ZNF333: variants seen among roughly 807,000 people sequenced by gnomAD.
The protein encoded by ZNF333 is zinc finger protein 333.
A neutral mutation model predicts 76.1 loss-of-function variants in ZNF333; 61 were observed. That is an observed-to-expected ratio of 0.80 (90% CI 0.65 to 0.99). The LOEUF (loss-of-function observed/expected upper bound fraction) is 0.99, where lower values mean the gene tolerates loss of function less well. Ranked by LOEUF, ZNF333 falls within the 50% of genes least tolerant of loss-of-function variation. The pLI, the probability that ZNF333 is intolerant of heterozygous loss-of-function variation, is 0.00. For missense variants in ZNF333, 717 were observed against 822.4 expected (o/e 0.87, Z 1.57); for synonymous variants, 284 against 305.0 (o/e 0.93, Z 0.72).
intron 5 of ZNF333, among the ~76,000 whole-genome samples, chr19:14,702,975 C>T (rs1449047566): frequency 3.3e-5 from 5 of 152,076 alleles, no homozygotes; most frequent in Middle Eastern, 3.4e-3. Flanking sequence ...GAGGCCGAGG[C>T]GGGCGGATCA....
chr19:14,693,206 A>C (rs551767492), intron 1 of ZNF333, among the ~76,000 whole-genome samples: 1 of 152,340 alleles, frequency 6.6e-6, no homozygotes, highest in East Asian at 1.9e-4. Context: ...GTGGAGGAAA[A>C]GTAGAAGATC....
At chr19:14,696,270 C>T (rs940978732) in intron 4 of ZNF333, among the ~76,000 whole-genome samples, 3 of 152,188 alleles carry the variant, frequency 2.0e-5, no homozygotes. Context: ...CTTGTGTAAA[C>T]ATCACCACTA....
chr19:14,719,254 A>G lies in ZNF333; in HGVS notation c.1927A>G (p.Arg643Gly). Reference protein sequence around the residue: ...LTVHKRTHVGRETIRNGSLPL... With the variant: ...LTVHKRTHVGGETIRNGSLPL... ...TGTACACAAAAGAACCCATGTGGGA[A>G]GAGAGACCATTAGGAATGGCAGCCT... Residue 643 changes from arginine (R) to glycine (G), a missense_variant, in exon 12 of 12, where the codon AGA becomes GGA. Transcript: ENST00000292530. The G allele has an allele frequency of 5.0e-6, 8 of 1,614,228 alleles. No individual in the cohort carries two copies. The highest frequency in any genetic ancestry group is 6.8e-6 in the Non-Finnish European group (8 of 1,180,042).
chr19:14,702,623 C>T (rs2041990045), intron 5 of ZNF333, among the ~76,000 whole-genome samples: 1 of 152,230 alleles, frequency 6.6e-6, no homozygotes, highest in South Asian at 2.1e-4. Flanking sequence ...GCCTCTTCTG[C>T]AGACACCTGG....
chr19:14,700,130 G>C (rs916009517), intron 5 of ZNF333: 2 of 152,218 alleles, frequency 1.3e-5, no homozygotes, highest in Admixed American at 1.3e-4. Context: ...TCAGCCTCCC[G>C]AGTACCTGGG....
intron 5 of ZNF333, among the ~76,000 whole-genome samples, chr19:14,703,691 A>G (rs938288318): frequency 1.3e-5 from 2 of 152,200 alleles, no homozygotes; most frequent in African/African-American, 2.4e-5. Flanking sequence ...TCCACAGGGT[A>G]AACCACTCAG....
intron 4 of ZNF333, among the ~76,000 whole-genome samples, chr19:14,698,134 C>G (rs1973357494): frequency 6.6e-6 from 1 of 151,920 alleles, no homozygotes; most frequent in East Asian, 1.9e-4. Flanking sequence ...GCCTGCAGTC[C>G]CGGCACTTTG....
chr19:14,732,030 C>T (rs1401639163), exon 12 of ZNF333: 3 of 152,200 alleles, frequency 2.0e-5, no homozygotes, highest in Non-Finnish European at 4.4e-5. Context: ...TTTCCTTCCT[C>T]CTCATTTTCC....
chr19:14,703,031 C>T (rs993897082), intron 5 of ZNF333, among the ~76,000 whole-genome samples: 8 of 151,232 alleles, frequency 5.3e-5, no homozygotes, highest in Non-Finnish European at 8.8e-5. Flanking sequence ...GGTGAAACCC[C>T]GTCTCTACTA....
chr19:14,698,933 T>TACACAC (rs1476702135), intron 4 of ZNF333, among the ~76,000 whole-genome samples: 1 of 134,910 alleles, frequency 7.4e-6, no homozygotes, highest in African/African-American at 2.8e-5. Context: ...TATATATATA[T>TACACAC]ATACACACAT....
chr19:14,718,905 G>C lies in ZNF333; in HGVS notation c.1578G>C (p.Arg526Ser). 2 of 1,614,006 alleles carry C rather than the reference G, an allele frequency of 1.2e-6. No individual in the cohort carries two copies. Residue 526 changes from arginine to serine, a missense_variant, in exon 12 of 12, where the codon AGG becomes AGC. Arg to Ser is a moderately radical substitution (Grantham distance 110, BLOSUM62 -1). Coordinates refer to ENST00000292530, the MANE Select transcript of ZNF333 (RefSeq NM_032433.4). ...RTSTHLNVHKRIHTGEKLYEC... is the reference protein window; with the variant it reads ...RTSTHLNVHKSIHTGEKLYEC... The stretch of plus-strand genomic sequence containing the variant: ...GCACTCATCTGAACGTGCACAAGAG[G>C]ATACACACAGGGGAGAAACTGTATG...
intron 7 of ZNF333, chr19:14,714,611 A>C (rs2042373066): frequency 1.3e-5 from 2 of 152,244 alleles, no homozygotes; most frequent in African/African-American, 4.8e-5. Context: ...CAGAAAACAC[A>C]TGTGGGGTCA....
intron 11 of ZNF333, among the ~76,000 whole-genome samples, chr19:14,729,238 T>C (rs1236284493): frequency 6.6e-6 from 1 of 152,198 alleles, no homozygotes; most frequent in Non-Finnish European, 1.5e-5. Flanking sequence ...TGTGACCTTA[T>C]TGGCCAGATA....
chr19:14,691,091 T>TCAAAAA (rs1447986398), intron 1 of ZNF333, among the ~76,000 whole-genome samples: 2 of 152,212 alleles, frequency 1.3e-5, no homozygotes, highest in Non-Finnish European at 2.9e-5. Flanking sequence ...AGACTCCATC[T>TCAAAAA]CAAAAACAAA....
chr19:14,724,421 C>T (rs767501362), downstream of ZNF333, among the ~76,000 whole-genome samples: 7 of 152,132 alleles, frequency 4.6e-5, no homozygotes, highest in East Asian at 1.9e-4. Flanking sequence ...ATGGCTCACA[C>T]GAGGATGGGT....
chr19:14,694,490 A>G (rs1452297885), intron 2 of ZNF333, among the ~76,000 whole-genome samples: 1 of 151,422 alleles, frequency 6.6e-6, no homozygotes, highest in Admixed American at 6.6e-5. Flanking sequence ...AAAGAAAAAA[A>G]GAAAAAGACT....
At chr19:14,707,964 T>C in intron 7 of ZNF333, 1 of 401,156 alleles carries the variant, frequency 2.5e-6, no homozygotes, top group Non-Finnish European at 4.4e-6. Context: ...AGTATATTTT[T>C]GGTAAGTCTT....
chr19:14,706,051 G>C (rs987804177), intron 6 of ZNF333: 6 of 456,302 alleles, frequency 1.3e-5, no homozygotes, highest in East Asian at 7.0e-5. Context: ...CCACCACCAA[G>C]TCCTGCTAGC....
intron 7 of ZNF333, chr19:14,708,621 C>T (rs1056119329): frequency 3.9e-5 from 14 of 362,560 alleles, no homozygotes; most frequent in Middle Eastern, 6.1e-4. Flanking sequence ...AGCTGTGGGC[C>T]GTCCTGTGCA....
Sources: gnomAD v4.1 joint callset for allele counts (sites outside exome capture counted in the v4.1 genomes callset) on GRCh38, gnomAD v4.1.1 for gene constraint, MANE v1.5 for transcripts, NCBI Gene and HGNC (gene_info 2026-07-23, HGNC 2026-07-21) for gene names.